The following TMEM230 variants were observed in gnomAD, a reference collection of about 807,000 sequenced individuals.
TMEM230 encodes transmembrane protein 230.
TMEM230 carries 10 observed loss-of-function variants against 15.8 expected under a neutral mutation model. The observed-to-expected ratio is 0.63, with a 90% CI of 0.39 to 1.07. The LOEUF (loss-of-function observed/expected upper bound fraction) is 1.07, where lower values mean the gene tolerates loss of function less well. TMEM230 is among the 50% of genes least tolerant of loss of function. The probability of loss-of-function intolerance (pLI) is 0.01; values close to 1 mark genes in which losing one functional copy is unlikely to be tolerated. For missense variants in TMEM230, 165 were observed against 193.3 expected (o/e 0.85, Z 0.87); for synonymous variants, 67 against 76.9 (o/e 0.87, Z 0.68).
intron 3 of TMEM230, among the ~76,000 whole-genome samples, chr20:5,089,538 T>TA (rs2089448046): frequency 6.6e-6 from 1 of 151,126 alleles, no homozygotes; most frequent in Non-Finnish European, 1.5e-5. Flanking sequence ...CCGTCTCCAC[T>TA]AAAAATACAA....
chr20:5,110,689 G>A (rs774658148), intron 2 of TMEM230, among the ~76,000 whole-genome samples: 1 of 152,030 alleles, frequency 6.6e-6, no homozygotes, highest in Non-Finnish European at 1.5e-5. Flanking sequence ...AATTACTTCT[G>A]TACCAACCTT....
chr20:5,076,936 T>C (rs113770532), intron 3 of TMEM230, among the ~76,000 whole-genome samples: 7,520 of 150,734 alleles, frequency 0.05, 575 homozygotes, highest in African/African-American at 0.17. Context: ...CCTTGGCCTC[T>C]CAAAGTGCTG....
chr20:5,111,322 C>A, intron 2 of TMEM230: 1 of 150,006 alleles, frequency 6.7e-6, no homozygotes, highest in Non-Finnish European at 1.5e-5. Flanking sequence ...TTAAAAAAGA[C>A]AAAACTGACC....
downstream of TMEM230, among the ~76,000 whole-genome samples, chr20:5,064,439 G>T (rs191857066): frequency 4.3e-4 from 66 of 152,052 alleles, 1 homozygote; most frequent in South Asian, 0.012. Context: ...AGCTGGGTGT[G>T]GTGGGGCGTG....
intron 3 of TMEM230, among the ~76,000 whole-genome samples, chr20:5,086,538 C>CAAAAAAAAAAAAAAA: frequency 1.1e-5 from 1 of 89,042 alleles, no homozygotes; most frequent in Non-Finnish European, 2.2e-5. Flanking sequence ...GACTCTGTCT[C>CAAAAAAAAAAAAAAA]AAAAAAAAAA....
downstream of TMEM230, among the ~76,000 whole-genome samples, chr20:5,065,548 G>A (rs1241761837): frequency 2.0e-5 from 3 of 152,186 alleles, no homozygotes; most frequent in Non-Finnish European, 2.9e-5. Context: ...GGCTGTGAGT[G>A]GGGCCTATTT....
At chr20:5,094,555 A>G (rs1024875931) in intron 3 of TMEM230, among the ~76,000 whole-genome samples, 1 of 151,510 alleles carries the variant, frequency 6.6e-6, no homozygotes, top group Non-Finnish European at 1.5e-5. Flanking sequence ...AAAAATACAA[A>G]AATTAGTCAG....
At chr20:5,088,535 C>T (rs1236398427) in intron 3 of TMEM230, among the ~76,000 whole-genome samples, 1 of 152,058 alleles carries the variant, frequency 6.6e-6, no homozygotes, top group Non-Finnish European at 1.5e-5. Context: ...GGATTATAGG[C>T]ATGAGCCTAC....
At chr20:5,085,932 G>A (rs984519929) in intron 3 of TMEM230, among the ~76,000 whole-genome samples, 4 of 152,140 alleles carry the variant, frequency 2.6e-5, no homozygotes, top group Non-Finnish European at 5.9e-5. Flanking sequence ...TACCTGCCGT[G>A]TCACCTCTCA....
chr20:5,062,612 A>G, the TMEM230 span, among the ~76,000 whole-genome samples: 6 of 151,886 alleles, frequency 4.0e-5, no homozygotes, highest in Admixed American at 3.9e-4. Flanking sequence ...AAATACAAAA[A>G]ATTAGCTGTG....
chr20:5,063,337 G>A (rs930835504), downstream of TMEM230, among the ~76,000 whole-genome samples: 1 of 142,312 alleles, frequency 7.0e-6, no homozygotes, highest in East Asian at 2.1e-4. Flanking sequence ...ACCCAGGCTG[G>A]AGTGCAATGG....
exon 4 of TMEM230, chr20:5,069,246 C>T (rs1226480111): frequency 1.3e-6 from 2 of 1,535,936 alleles, no homozygotes; most frequent in African/African-American, 1.4e-5. Flanking sequence ...GCTGAGTCCT[C>T]CTTCGGGACT....
intron 2 of TMEM230, among the ~76,000 whole-genome samples, chr20:5,110,487 G>A (rs906126755): frequency 2.6e-5 from 4 of 152,056 alleles, no homozygotes; most frequent in Non-Finnish European, 5.9e-5. Context: ...GTTTTACCAC[G>A]TTGGCCAGGC....
In TMEM230 at chr20:5,100,478, T is replaced by C. The variant is rs904936023; in HGVS notation, c.*313A>G. 4 of 1,059,380 alleles carry C rather than the reference T, an allele frequency of 3.8e-6. No individual in the cohort carries two copies. In the African/African-American group the frequency reaches 6.7e-5, roughly 18 times the overall value. 65.6% of individuals were successfully genotyped at this position (1,059,380 alleles called of 1,614,324 possible). ...GAACAAATTGGCAATGAAGACTATT[T>C]AAAAGAAATGCTCAGCTCTACAGAG... On this transcript the variant is annotated 3_prime_UTR_variant, in exon 5 of 5. Coordinates refer to ENST00000342308, the MANE Select transcript of TMEM230 (RefSeq NM_001009923.2).
chr20:5,081,122 AT>A (rs751260148), intron 3 of TMEM230, among the ~76,000 whole-genome samples: 1 of 152,202 alleles, frequency 6.6e-6, no homozygotes, highest in Non-Finnish European at 1.5e-5. Context: ...TCCATCATAG[AT>A]TGTTTGATAA....
Position 5,100,563 on chromosome 20 carries a change from T to C in TMEM230, c.*228A>G. The C allele has an allele frequency of 3.0e-6, 4 of 1,332,620 alleles. No individual in the cohort carries two copies. The highest frequency in any genetic ancestry group is 1.8e-5 in the South Asian group (1 of 56,446). 82.5% of individuals were successfully genotyped at this position (1,332,620 alleles called of 1,614,324 possible). On this transcript the variant is annotated 3_prime_UTR_variant, in exon 5 of 5. Coordinates refer to ENST00000342308, the MANE Select transcript of TMEM230 (RefSeq NM_001009923.2). ...AACCTCTATTCTTCCATGATACATA[T>C]TCCTGTGGAAAAACTTGTCAGGGCC...
At position 5,106,296 on chromosome 20, in the gene TMEM230, A is replaced by T. The variant is rs761437320; in HGVS notation, c.303T>A (p.Pro101=). The change falls in exon 4 of 5, where the codon CCT becomes CCA. Residue 101 remains proline (P), a synonymous_variant. Coordinates refer to ENST00000342308, the MANE Select transcript of TMEM230 (RefSeq NM_001009923.2). ...CGATGGCCTTATAAGGGATCTTAGG[A>T]GGGGTTTTCTTAAACTGGAAGAGAA... The T allele has an allele frequency of 6.2e-7, 1 of 1,605,838 alleles. No homozygotes were observed. The highest frequency in any genetic ancestry group is 1.1e-5 in the South Asian group (1 of 89,176).
intron 3 of TMEM230, among the ~76,000 whole-genome samples, chr20:5,077,997 G>A (rs2122577283): frequency 6.6e-6 from 1 of 152,220 alleles, no homozygotes; most frequent in South Asian, 2.1e-4. Flanking sequence ...TAGCTTCACT[G>A]AGGTGATATT....
At chr20:5,075,795 A>G (rs1170534956) in intron 3 of TMEM230, among the ~76,000 whole-genome samples, 6 of 152,140 alleles carry the variant, frequency 3.9e-5, no homozygotes, top group African/African-American at 7.2e-5. Flanking sequence ...ATGACATCCT[A>G]TGAAATCATG....
Sources: gnomAD v4.1 joint callset for allele counts (sites outside exome capture counted in the v4.1 genomes callset) on GRCh38, gnomAD v4.1.1 for gene constraint, MANE v1.5 for transcripts, NCBI Gene and HGNC (gene_info 2026-07-23, HGNC 2026-07-21) for gene names.